SPAG16: variants seen among roughly 807,000 people sequenced by gnomAD.
The protein encoded by SPAG16 is sperm-associated antigen 16 protein.
Under a neutral mutation model 80.4 loss-of-function variants are expected in SPAG16, and 86 were observed. The observed-to-expected ratio is 1.07, with a 90% CI of 0.90 to 1.28. The LOEUF is 1.28. SPAG16 is among the 50% of genes most tolerant of loss of function. The pLI, the probability that SPAG16 is intolerant of heterozygous loss-of-function variation, is 0.00. For synonymous variants in SPAG16, 294 were observed against 265.9 expected, an observed-to-expected ratio of 1.11 and a Z score of -1.03; for missense variants, 870 against 765.3, an observed-to-expected ratio of 1.14 and a Z score of -1.61.
intron 12 of SPAG16, among the ~76,000 whole-genome samples, chr2:214,001,939 C>T (rs528157712): frequency 3.5e-4 from 53 of 152,304 alleles, no homozygotes; most frequent in African/African-American, 1.1e-3. Context: ...GTTTAATGGA[C>T]TCACAGTTCC....
At chr2:213,949,179 T>TTTTTGTTTTTTTTTTGTTTTTTTTTG (rs1553677656) in intron 12 of SPAG16, among the ~76,000 whole-genome samples, 2 of 36,244 alleles carry the variant, frequency 5.5e-5, no homozygotes, top group Admixed American at 4.8e-4. Context: ...GTTTTTTTTT[T>TTTTTGTTTTTTTTTTGTTTTTTTTTG]TTTTTTTTTT....
At chr2:213,989,789 A>G (rs1410378161) in intron 12 of SPAG16, among the ~76,000 whole-genome samples, 2 of 152,166 alleles carry the variant, frequency 1.3e-5, no homozygotes, top group African/African-American at 4.8e-5. Flanking sequence ...ACATAAATAT[A>G]GGGAGTATAT....
intron 15 of SPAG16, among the ~76,000 whole-genome samples, chr2:214,159,119 A>G (rs954862379): frequency 2.0e-5 from 3 of 151,974 alleles, no homozygotes; most frequent in African/African-American, 7.2e-5. Context: ...ATGTTTGCAG[A>G]TATAATAAAA....
At chr2:214,357,133 C>T (rs891125224) in intron 15 of SPAG16, among the ~76,000 whole-genome samples, 5 of 151,830 alleles carry the variant, frequency 3.3e-5, no homozygotes, top group African/African-American at 9.7e-5. Context: ...TGAATGGTCC[C>T]TGTCATTTCT....
chr2:213,992,412 T>C (rs1245598570), intron 12 of SPAG16, among the ~76,000 whole-genome samples: 1 of 152,162 alleles, frequency 6.6e-6, no homozygotes, highest in Non-Finnish European at 1.5e-5. Context: ...TCTCTTGGTG[T>C]AGTTGGGCCT....
chr2:213,963,142 A>G (rs1390456222), intron 12 of SPAG16, among the ~76,000 whole-genome samples: 1 of 150,050 alleles, frequency 6.7e-6, no homozygotes, highest in Non-Finnish European at 1.5e-5. Context: ...GTTATTGGTT[A>G]GAGCTCTTCC....
chr2:213,653,523 C>G (rs962357259), intron 10 of SPAG16, among the ~76,000 whole-genome samples: 1 of 152,122 alleles, frequency 6.6e-6, no homozygotes, highest in Non-Finnish European at 1.5e-5. Flanking sequence ...ATGTTTCATT[C>G]TAGTTTATAC....
At chr2:214,314,185 A>G (rs538430294) in intron 15 of SPAG16, among the ~76,000 whole-genome samples, 1 of 152,268 alleles carries the variant, frequency 6.6e-6, no homozygotes, top group South Asian at 2.1e-4. Flanking sequence ...CTTGAGTTAT[A>G]CTTTCTTAGA....
At chr2:214,158,384 G>A (rs1479991715) in intron 15 of SPAG16, among the ~76,000 whole-genome samples, 1 of 151,714 alleles carries the variant, frequency 6.6e-6, no homozygotes, top group Admixed American at 6.6e-5. Context: ...TTTAAAAATT[G>A]AGCCCCAAAC....
chr2:213,939,363 A>T (rs1046432326), intron 12 of SPAG16, among the ~76,000 whole-genome samples: 60 of 152,338 alleles, frequency 3.9e-4, no homozygotes, highest in African/African-American at 1.4e-3. Flanking sequence ...AAATCATTAG[A>T]CAAGCTCCCT....
intron 15 of SPAG16, among the ~76,000 whole-genome samples, chr2:214,396,700 G>A (rs985542233): frequency 6.6e-6 from 1 of 151,720 alleles, no homozygotes; most frequent in African/African-American, 2.4e-5. Context: ...AAAATAGTAT[G>A]GTTTCTCAAA....
intron 10 of SPAG16, among the ~76,000 whole-genome samples, chr2:213,626,887 A>T (rs1281755350): frequency 6.6e-6 from 1 of 151,994 alleles, no homozygotes; most frequent in African/African-American, 2.4e-5. Flanking sequence ...ACCTCAGGTG[A>T]TCCTCCCACC....
chr2:213,711,099 T>G (rs1428416160), intron 10 of SPAG16, among the ~76,000 whole-genome samples: 1 of 152,180 alleles, frequency 6.6e-6, no homozygotes, highest in Non-Finnish European at 1.5e-5. Context: ...AATCTTTAGC[T>G]GCCGGTGTTT....
chr2:213,489,532 T>G (rs1041404157), intron 9 of SPAG16, among the ~76,000 whole-genome samples: 2 of 152,154 alleles, frequency 1.3e-5, no homozygotes, highest in African/African-American at 4.8e-5. Flanking sequence ...AATGTTAACT[T>G]TGTTACCCAA....
chr2:214,043,341 C>T (rs1032415004), intron 13 of SPAG16, among the ~76,000 whole-genome samples: 1 of 152,118 alleles, frequency 6.6e-6, no homozygotes, highest in Non-Finnish European at 1.5e-5. Flanking sequence ...GATTAAGTCT[C>T]TTCTTTCTAG....
intron 10 of SPAG16, among the ~76,000 whole-genome samples, chr2:213,617,442 A>G (rs1038589377): frequency 6.6e-6 from 1 of 152,066 alleles, no homozygotes. Context: ...CCTGGGTTAA[A>G]GCGATTTTTC....
chr2:213,622,523 T>C (rs2061825280), intron 10 of SPAG16, among the ~76,000 whole-genome samples: 1 of 152,216 alleles, frequency 6.6e-6, no homozygotes, highest in African/African-American at 2.4e-5. Flanking sequence ...CCTCCTTCCT[T>C]GACAATACTC....
chr2:214,396,361 C>T (rs1332381966), intron 15 of SPAG16, among the ~76,000 whole-genome samples: 1 of 151,938 alleles, frequency 6.6e-6, no homozygotes. Context: ...TACTTAGACA[C>T]ATTGTATATA....
chr2:214,125,687 A>G (rs1281851044), intron 14 of SPAG16, among the ~76,000 whole-genome samples: 1 of 151,784 alleles, frequency 6.6e-6, no homozygotes, highest in Non-Finnish European at 1.5e-5. Flanking sequence ...AGTCACTTCA[A>G]TATGAAGTAC....
Sources: allele counts gnomAD v4.1 joint callset (sites outside exome capture counted in the v4.1 genomes callset), GRCh38; gene constraint gnomAD v4.1.1; transcripts MANE v1.5; gene names NCBI Gene and HGNC (gene_info 2026-07-23, HGNC 2026-07-21).